Variants in ATP8B2 observed in about 807,000 individuals in gnomAD.
ATP8B2 encodes the protein phospholipid-transporting ATPase ID.
In ATP8B2, 70 loss-of-function variants were observed where a neutral mutation model predicts 133.4. That is an observed-to-expected ratio of 0.52 (90% confidence interval 0.43 to 0.64). The LOEUF (loss-of-function observed/expected upper bound fraction) is 0.64, where lower values mean the gene tolerates loss of function less well. ATP8B2 is among the 30% of genes least tolerant of loss of function. The pLI, the probability that ATP8B2 is intolerant of heterozygous loss-of-function variation, is 0.00. For missense variants in ATP8B2, 1,101 were observed against 1,535.7 expected (o/e 0.72, Z 4.73); for synonymous variants, 517 against 589.5 (o/e 0.88, Z 1.78).
chr1:154,350,608 G>GT lies in ATP8B2; in HGVS notation c.*1491dup, dbSNP rs1686752849. 1.3e-5 allele frequency: 2 copies of GT among 152,340 alleles called. No homozygotes were observed. Among genetic ancestry groups the GT allele is most frequent in the African/African-American group, 2.4e-5 (1 of 41,456 alleles). 9.4% of individuals were successfully genotyped at this position (152,340 alleles called of 1,614,324 possible). On this transcript the variant is annotated 3_prime_UTR_variant, in exon 28 of 28. Transcript: ENST00000368489. ...CCTCAGGCCCAGCCTCTGGCAAGAG[G>GT]TGGTGGAATCCTTGTGCCGGGTAGT...
chr1:154,348,340 G>A, intron 26 of ATP8B2, 68 bp from the exon 27 acceptor site: 1 of 1,525,958 alleles, frequency 6.6e-7, no homozygotes, highest in South Asian at 1.2e-5. Flanking sequence ...AAGTGGAGCT[G>A]CCAGAAATGG....
At chr1:154,327,031 C>T (rs989462360) in intron 1 of ATP8B2, among the ~76,000 whole-genome samples, 3 of 152,312 alleles carry the variant, frequency 2.0e-5, no homozygotes, top group Middle Eastern at 3.4e-3. Context: ...GATTGCCTGA[C>T]TTGGTGTAAG....
At position 154,346,856 on chromosome 1, in the gene ATP8B2, G is replaced by A. The variant is rs575006966; in HGVS notation, c.3163+98G>A. ...TCTGCACATTCAACATTTCTTATGT[G>A]CCAAGTATTCTGTTTATTTTATTTA... On this transcript the variant is annotated intron_variant, in intron 26 of 27. Transcript: ENST00000368489. This position sits in a 1 kb window ranked among gnomAD's most constrained non-coding sequence, Gnocchi z 4.5. The A allele has an allele frequency of 8.5e-5, 115 of 1,348,296 alleles. 1 individual carries two copies. In the South Asian group the frequency reaches 1.6e-3, roughly 18 times the overall value. The allele number at this position is 1,348,296 out of a possible 1,614,324, so 83.5% of individuals were successfully genotyped here.
In ATP8B2 at chr1:154,349,021, C is replaced by A; in HGVS notation, c.3476C>A (p.Thr1159Asn). Residue 1159 changes from threonine to asparagine, a missense_variant, in exon 28 of 28, where the codon ACC becomes AAC. Coordinates refer to ENST00000368489, the MANE Select transcript of ATP8B2 (RefSeq NM_001370597.1). ...TCTCTCGCGCTCTCCAGCTTCACCA[C>A]CCGCTCCAGCTCCAGCTGGATTGAG... ...LSSLALSSFT[T>N]RSSSSWIESL... 1 of 1,614,252 alleles carries A rather than the reference C, an allele frequency of 6.2e-7. No individual in the cohort carries two copies. Among genetic ancestry groups the A allele is most frequent in the South Asian group, 1.1e-5 (1 of 91,092 alleles).
Position 154,349,371 on chromosome 1 carries a change from C to G in ATP8B2, c.*253C>G, listed in dbSNP as rs1443449255. The G allele has an allele frequency of 7.5e-6, 4 of 531,494 alleles. No individual in the cohort carries two copies. Among genetic ancestry groups the G allele is most frequent in the Non-Finnish European group, 1.3e-5 (4 of 299,986 alleles). 32.9% of individuals were successfully genotyped at this position (531,494 alleles called of 1,614,324 possible). On this transcript the variant is annotated 3_prime_UTR_variant, in exon 28 of 28. Transcript: ENST00000368489. ...TGAGGCACGGGGAGCCAGCCCCACT[C>G]GGGGACCAGAAGTGGAACCAAAAAC...
chr1:154,345,952 G>T lies in ATP8B2; in HGVS notation c.2778+69G>T. On this transcript the variant is annotated intron_variant, in intron 24 of 27. Transcript: ENST00000368489. The surrounding 1 kb of genome is among the most constrained non-coding windows in gnomAD (Gnocchi z 5.6). ...CTGCTTGAAGGAGTCACATAGACGT[G>T]GTGTGTGACACTTGTGCCCATTTCC... 7.2e-7 allele frequency: 1 copy of T among 1,391,996 alleles called. No homozygotes were observed. The highest frequency in any genetic ancestry group is 1.0e-6 in the Non-Finnish European group (1 of 982,930). The allele number at this position is 1,391,996 out of a possible 1,614,324, so 86.2% of individuals were successfully genotyped here.
Position 154,344,253 on chromosome 1 carries a change from A to T in ATP8B2, c.2034A>T (p.Gln678His). Residue 678 changes from glutamine to histidine, a missense_variant and splice_region_variant, in exon 19 of 28, where the codon CAA becomes CAT. Physicochemically the swap from Gln to His is conservative, Grantham distance 24 (BLOSUM62 0). Transcript: ENST00000368489. This position sits in a 1 kb window ranked among gnomAD's most constrained non-coding sequence, Gnocchi z 4.1. ...TTTGGGTGCTAACCGGAGACAAGCA[A>T]GGTGAGAGCCCAGCAGGGCAGAGCC... ...IKIWVLTGDK[Q>H]ETAVNIGYSC... The T allele has an allele frequency of 6.2e-7, 1 of 1,614,216 alleles. No individual in the cohort carries two copies. The highest frequency in any genetic ancestry group is 8.5e-7 in the Non-Finnish European group (1 of 1,180,036).
chr1:154,346,112 T>C lies in ATP8B2; in HGVS notation c.2779-119T>C, dbSNP rs994582522. 6 of 1,449,534 alleles carry C rather than the reference T, an allele frequency of 4.1e-6. No homozygotes were observed. In the African/African-American group the frequency reaches 8.5e-5, roughly 20 times the overall value. 89.8% of individuals were successfully genotyped at this position (1,449,534 alleles called of 1,614,324 possible). ...GGGGTAGCTGGCTTGAGGTTGGTTC[T>C]AGCTGCCAAAGACTTTGGAAAGGAG... On this transcript the variant is annotated intron_variant, in intron 24 of 27. Transcript: ENST00000368489. The surrounding 1 kb of genome is among the most constrained non-coding windows in gnomAD (Gnocchi z 4.5).
Position 154,348,474 on chromosome 1 carries a change from G to A in ATP8B2, c.3230G>A (p.Cys1077Tyr). The change falls in exon 27 of 28, where the codon TGC becomes TAC. Residue 1077 changes from cysteine (C) to tyrosine (Y), a missense_variant. Transcript: ENST00000368489. ...WLTIVLTTVVCIMPVVAFRFL... is the reference protein window; with the variant it reads ...WLTIVLTTVVYIMPVVAFRFL... Reference sequence around the variant, plus strand: ...ACCATTGTGCTCACCACAGTCGTCTGCATCATGCCCGTGGTTGCCTTCCGA... The same window carrying A: ...ACCATTGTGCTCACCACAGTCGTCTACATCATGCCCGTGGTTGCCTTCCGA... The A allele has an allele frequency of 6.2e-7, 1 of 1,614,102 alleles. No homozygotes were observed. Among genetic ancestry groups the A allele is most frequent in the Non-Finnish European group, 8.5e-7 (1 of 1,179,982 alleles).
In ATP8B2 at chr1:154,342,625, C is replaced by G. The variant is rs899527271; in HGVS notation, c.1287+102C>G. The G allele has an allele frequency of 5.4e-6, 8 of 1,475,666 alleles. No homozygotes were observed. The Admixed American group carries it at 6.8e-5, about 13-fold the overall frequency. The allele number at this position is 1,475,666 out of a possible 1,614,324, so 91.4% of individuals were successfully genotyped here. A position where few individuals can be genotyped will look rare whatever the true frequency, so the allele number is the denominator to read the frequency against. ...GTGTTGTCTGGATAGGAAATGGAAG[C>G]TGCTTGGAGAAATGGGTGTTTTAAG... On this transcript the variant is annotated intron_variant, in intron 14 of 27. Transcript: ENST00000368489.
chr1:154,346,563 T>G lies in ATP8B2; in HGVS notation c.3025-57T>G. On this transcript the variant is annotated intron_variant, in intron 25 of 27. Coordinates refer to ENST00000368489, the MANE Select transcript of ATP8B2 (RefSeq NM_001370597.1). This position sits in a 1 kb window ranked among gnomAD's most constrained non-coding sequence, Gnocchi z 4.5. ...CTGCCCTGGGCACCACAGTTCTGTT[T>G]CTGGGGGAAGGGGCTTTTAGGGCGT... 1.2e-6 allele frequency: 2 copies of G among 1,611,616 alleles called. No homozygotes were observed. The highest frequency in any genetic ancestry group is 1.7e-6 in the Non-Finnish European group (2 of 1,178,582).
Position 154,348,639 on chromosome 1 carries a change from T to C in ATP8B2, c.3294+101T>C, listed in dbSNP as rs1456554185. On this transcript the variant is annotated intron_variant, in intron 27 of 27. Transcript: ENST00000368489. ...TCTGTGGGGCCATGTGGCTGTTCAG[T>C]GTGTTGGTGCTTATCTGTTCTTCCT... The C allele has an allele frequency of 4.6e-6, 7 of 1,516,568 alleles. No individual in the cohort carries two copies. In the South Asian group the frequency reaches 8.5e-5, roughly 18 times the overall value. The allele number at this position is 1,516,568 out of a possible 1,614,324, so 93.9% of individuals were successfully genotyped here. A position where few individuals can be genotyped will look rare whatever the true frequency, so the allele number is the denominator to read the frequency against.
Position 154,328,536 on chromosome 1 carries a change from G to C in ATP8B2, c.31+364G>C, listed in dbSNP as rs1407133108. 6.6e-6 allele frequency among the ~76,000 whole-genome samples: 1 copy of C among 152,090 alleles called. No homozygotes were observed. Among genetic ancestry groups the C allele is most frequent in the African/African-American group, 2.4e-5 (1 of 41,382 alleles). On this transcript the variant is annotated intron_variant, in intron 2 of 27. Coordinates refer to ENST00000368489, the MANE Select transcript of ATP8B2 (RefSeq NM_001370597.1). The surrounding 1 kb of genome is among the most constrained non-coding windows in gnomAD (Gnocchi z 4.6). ...CTACCGGTTCTCCTGGTTTTTCCGC[G>C]GGCGGGGGTGTGTGTGTGTGAAAGC...
chr1:154,326,399 A>G (rs537308981), intron 1 of ATP8B2, among the ~76,000 whole-genome samples: 1 of 152,104 alleles, frequency 6.6e-6, no homozygotes, highest in South Asian at 2.1e-4. Context: ...TCCATGGAGC[A>G]TTGCCTGCTT....
chr1:154,332,382 AC>A (rs1686023212), intron 8 of ATP8B2, among the ~76,000 whole-genome samples: 1 of 152,178 alleles, frequency 6.6e-6, no homozygotes, highest in African/African-American at 2.4e-5. Flanking sequence ...AAACAAACAA[AC>A]AAAAAATTTA....
chr1:154,328,149 T>C lies in ATP8B2; in HGVS notation c.8T>C (p.Val3Ala). ...GGGATCTTGCTGGGTGAGATGGCAG[T>C]GTGTGCAAAAAAGCGCCCCCCAGGT... MAVCAKKRPPEEE... is the reference protein window; with the variant it reads MAACAKKRPPEEE... Residue 3 changes from valine (V) to alanine (A), a missense_variant, in exon 2 of 28, where the codon GTG becomes GCG. Physicochemically the swap from Val to Ala is moderately conservative, Grantham distance 64 (BLOSUM62 0). Coordinates refer to ENST00000368489, the MANE Select transcript of ATP8B2 (RefSeq NM_001370597.1). This position sits in a 1 kb window ranked among gnomAD's most constrained non-coding sequence, Gnocchi z 4.6. 6.2e-7 allele frequency: 1 copy of C among 1,613,952 alleles called. No homozygotes were observed. Among genetic ancestry groups the C allele is most frequent in the African/African-American group, 1.3e-5 (1 of 74,980 alleles).
intron 12 of ATP8B2, 166 bp downstream of exon 12, chr1:154,337,710 T>A (rs200863148): frequency 6.5e-7 from 1 of 1,550,304 alleles, no homozygotes; most frequent in East Asian, 2.2e-5. Flanking sequence ...GAGCAAACTT[T>A]TTACCACAGT....
rs768333447 is a variant in ATP8B2 at position 154,334,546 on chromosome 1, C to G, written c.792C>G (p.Phe264Leu). ...KLMQNSGRTKFKRTSIDRLMN... is the reference protein window; with the variant it reads ...KLMQNSGRTKLKRTSIDRLMN... ...TGCAAAACAGCGGCAGAACAAAGTT[C>G]AAAAGAACGAGTATCGATCGCCTAA... is the stretch of plus-strand genomic sequence containing the variant. The change falls in exon 11 of 28, where the codon TTC becomes TTG. Residue 264 changes from phenylalanine to leucine, a missense_variant. By Grantham distance (22) the Phe-to-Leu change is conservative. Coordinates refer to ENST00000368489, the MANE Select transcript of ATP8B2 (RefSeq NM_001370597.1). The surrounding 1 kb of genome is among the most constrained non-coding windows in gnomAD (Gnocchi z 4.6). 6.2e-6 allele frequency: 10 copies of G among 1,613,896 alleles called. No homozygotes were observed. Among genetic ancestry groups the G allele is most frequent in the Non-Finnish European group, 8.5e-6 (10 of 1,180,030 alleles).
Position 154,344,936 on chromosome 1 carries a change from A to G in ATP8B2, c.2287-35A>G. 6.3e-7 allele frequency: 1 copy of G among 1,588,308 alleles called. No homozygotes were observed. Among genetic ancestry groups the G allele is most frequent in the South Asian group, 1.1e-5 (1 of 87,610 alleles). On this transcript the variant is annotated intron_variant, in intron 21 of 27. Coordinates refer to ENST00000368489, the MANE Select transcript of ATP8B2 (RefSeq NM_001370597.1). The surrounding 1 kb of genome is among the most constrained non-coding windows in gnomAD (Gnocchi z 4.1). ...GCTGAGACTCCCAGGTGTCTCCTGGAAAGACTGGCTCTCTCAGGTTTCTCT... is the reference window on the plus strand; with the variant it reads ...GCTGAGACTCCCAGGTGTCTCCTGGGAAGACTGGCTCTCTCAGGTTTCTCT...
Sources: allele counts gnomAD v4.1 joint callset (sites outside exome capture counted in the v4.1 genomes callset), GRCh38; gene constraint gnomAD v4.1.1; non-coding constraint Gnocchi (gnomAD v3.1); transcripts MANE v1.5; gene names NCBI Gene and HGNC (gene_info 2026-07-23, HGNC 2026-07-21).